TNFRSF21: variants seen among roughly 807,000 people sequenced by gnomAD.
TNFRSF21 encodes the protein TNF receptor superfamily member 21, also known as tumor necrosis factor receptor superfamily member 21.
A neutral mutation model predicts 45.6 loss-of-function variants in TNFRSF21; 19 were observed. That is an observed-to-expected ratio of 0.42 (90% confidence interval 0.29 to 0.61). The LOEUF (loss-of-function observed/expected upper bound fraction) is 0.61. TNFRSF21 is among the 20% of genes least tolerant of loss of function. The probability of loss-of-function intolerance (pLI) is 0.23; values close to 1 mark genes in which losing one functional copy is unlikely to be tolerated. For synonymous variants in TNFRSF21, 314 were observed against 335.5 expected (o/e 0.94, Z 0.70); for missense variants, 737 against 851.5 (o/e 0.87, Z 1.67).
At chr6:47,261,778 G>A (rs1037713528) in intron 3 of TNFRSF21, among the ~76,000 whole-genome samples, 1 of 152,236 alleles carries the variant, frequency 6.6e-6, no homozygotes, top group African/African-American at 2.4e-5. Flanking sequence ...GGGATCAGCT[G>A]TCCAAGCTGT....
At chr6:47,277,050 G>T (rs970522824) in intron 3 of TNFRSF21, among the ~76,000 whole-genome samples, 8 of 152,142 alleles carry the variant, frequency 5.3e-5, no homozygotes, top group African/African-American at 1.9e-4. Context: ...CTGAAGTACA[G>T]TGGCACGATC....
Position 47,286,594 on chromosome 6 carries a change from A to G in TNFRSF21, c.98T>C (p.Leu33Pro), listed in dbSNP as rs760891576. 1 of 1,595,296 alleles carries G rather than the reference A, an allele frequency of 6.3e-7. No homozygotes were observed. The highest frequency in any genetic ancestry group is 1.1e-5 in the South Asian group (1 of 89,812). Residue 33 changes from leucine to proline, a missense_variant and splice_region_variant, in exon 2 of 6, where the codon CTT (leucine) becomes CCT (proline). Physicochemically the swap from Leu to Pro is moderately conservative, Grantham distance 98 (BLOSUM62 -3). Transcript: ENST00000296861. Reference protein sequence around the residue: ...ATMIAGSLLLLGFLSTTTAQP... With the variant: ...ATMIAGSLLLPGFLSTTTAQP... The stretch of plus-strand genomic sequence containing the variant: ...AGCTGTGGTGGTGCTAAGGAATCCA[A>G]GCTGAAAGAAACAGAAGGGGAGGGA...
At chr6:47,299,864 C>T (rs574240857) in intron 1 of TNFRSF21, among the ~76,000 whole-genome samples, 1 of 152,226 alleles carries the variant, frequency 6.6e-6, no homozygotes, top group African/African-American at 2.4e-5. Context: ...TTCTGGACTA[C>T]AGTCTGGCAA....
rs570564819 is a variant in TNFRSF21, at chr6:47,277,669, C to A, written c.1243+6269G>T. On this transcript the variant is annotated intron_variant, in intron 3 of 5. Coordinates refer to ENST00000296861, the MANE Select transcript of TNFRSF21 (RefSeq NM_014452.5). ...GCAAAGGGAAACCAGACTCCAGAGT[C>A]TTTGTTCCTAACTGCATATTCTAAT... is the stretch of plus-strand genomic sequence containing the variant. Among the ~76,000 whole-genome samples the A allele has an allele frequency of 2.6e-5, 4 of 152,308 alleles. No homozygotes were observed. In the South Asian group the frequency reaches 8.3e-4, roughly 32 times the overall value.
At chr6:47,273,929 A>G (rs1375277829) in intron 3 of TNFRSF21, among the ~76,000 whole-genome samples, 1 of 152,186 alleles carries the variant, frequency 6.6e-6, no homozygotes, top group East Asian at 1.9e-4. Flanking sequence ...TCCAACTTAC[A>G]AGGGATGTGA....
At chr6:47,239,865 C>G (rs1764720782) in intron 4 of TNFRSF21, among the ~76,000 whole-genome samples, 1 of 152,006 alleles carries the variant, frequency 6.6e-6, no homozygotes, top group Admixed American at 6.6e-5. Flanking sequence ...GCCCTAATCC[C>G]CCACTCCAAT....
intron 4 of TNFRSF21, among the ~76,000 whole-genome samples, chr6:47,239,290 A>C (rs1764711438): frequency 9.5e-6 from 1 of 104,974 alleles, no homozygotes; most frequent in South Asian, 3.3e-4. Flanking sequence ...CATCTCAAAA[A>C]AAAAAAAAAA....
chr6:47,244,323 C>CAA lies in TNFRSF21; in HGVS notation c.1509+8931_1509+8932dup, dbSNP rs764763953. On this transcript the variant is annotated intron_variant, in intron 4 of 5. Coordinates refer to ENST00000296861, the MANE Select transcript of TNFRSF21 (RefSeq NM_014452.5). ...TGGGCGACACAGCAAGACTCCGTCT[C>CAA]AAAAAAAAAAAAAAAAAAAAGGCTT... 6.4e-3 allele frequency among the ~76,000 whole-genome samples: 488 copies of CAA among 75,986 alleles called. 6 individuals carry two copies. Among genetic ancestry groups the CAA allele is most frequent in the South Asian group, 0.037 (79 of 2,122 alleles). 49.8% of individuals were successfully genotyped at this position (75,986 alleles called of 152,430 possible).
chr6:47,232,928 T>C lies in TNFRSF21; in HGVS notation c.1805A>G (p.Asp602Gly), dbSNP rs752015912. 1 of 1,614,170 alleles carries C rather than the reference T, an allele frequency of 6.2e-7. No individual in the cohort carries two copies. Among genetic ancestry groups the C allele is most frequent in the South Asian group, 1.1e-5 (1 of 91,082 alleles). The change falls in exon 6 of 6, where the codon GAC becomes GGC. Residue 602 changes from aspartate to glycine, a missense_variant. Physicochemically the swap from Asp to Gly is moderately conservative, Grantham distance 94. Transcript: ENST00000296861. ...DPCDLQPIFD[D>G]MLHFLNPEEL... ...CTCAGGATTTAGAAAGTGGAGCATG[T>C]CATCAAAGATAGGCTGCAAGTCACA...
intron 3 of TNFRSF21, among the ~76,000 whole-genome samples, chr6:47,253,776 C>A (rs2113850257): frequency 6.6e-6 from 1 of 152,104 alleles, no homozygotes; most frequent in Non-Finnish European, 1.5e-5. Flanking sequence ...TAAATCAGAC[C>A]CAAAAAGATG....
intron 4 of TNFRSF21, among the ~76,000 whole-genome samples, chr6:47,239,672 C>T (rs1035629170): frequency 2.6e-5 from 4 of 152,070 alleles, no homozygotes; most frequent in Non-Finnish European, 5.9e-5. Flanking sequence ...AAAAGCATTG[C>T]AAGAAAAGAG....
intron 4 of TNFRSF21, among the ~76,000 whole-genome samples, chr6:47,244,060 A>G (rs533272815): frequency 2.3e-3 from 343 of 152,262 alleles, no homozygotes; most frequent in Non-Finnish European, 3.2e-3. Context: ...GGTGGCTCAC[A>G]CCTGTAATCC....
intron 2 of TNFRSF21, among the ~76,000 whole-genome samples, chr6:47,285,578 T>C (rs1031132527): frequency 6.6e-6 from 1 of 152,170 alleles, no homozygotes; most frequent in Non-Finnish European, 1.5e-5. Flanking sequence ...AAACTTTTGA[T>C]CTGGAAGGAA....
At position 47,232,558 on chromosome 6, in the gene TNFRSF21, T is replaced by C; in HGVS notation, c.*207A>G. The C allele has an allele frequency of 1.9e-6, 1 of 535,770 alleles. No homozygotes were observed. Among genetic ancestry groups the C allele is most frequent in the Non-Finnish European group, 3.2e-6 (1 of 310,572 alleles). The allele number at this position is 535,770 out of a possible 1,614,324, so 33.2% of individuals were successfully genotyped here. A position where few individuals can be genotyped will look rare whatever the true frequency, so the allele number is the denominator to read the frequency against. ...CTTATAAACCAACTTCCCAGAAGAG[T>C]TATTTAAAAAAAAAAGAGAGAGAGA... On this transcript the variant is annotated 3_prime_UTR_variant, in exon 6 of 6. Transcript: ENST00000296861.
intron 4 of TNFRSF21, among the ~76,000 whole-genome samples, chr6:47,245,991 C>G (rs532179556): frequency 6.6e-6 from 1 of 152,312 alleles, no homozygotes; most frequent in Admixed American, 6.5e-5. Flanking sequence ...ATTGCAAGAA[C>G]AGTGCCAAAG....
intron 3 of TNFRSF21, among the ~76,000 whole-genome samples, chr6:47,258,469 G>C (rs1765021758): frequency 6.6e-6 from 1 of 151,128 alleles, no homozygotes; most frequent in Admixed American, 6.6e-5. Flanking sequence ...ATAGACACTG[G>C]AACAGTTTCC....
intron 1 of TNFRSF21, among the ~76,000 whole-genome samples, chr6:47,290,332 A>C (rs1762707775): frequency 6.6e-6 from 1 of 152,168 alleles, no homozygotes; most frequent in South Asian, 2.1e-4. Flanking sequence ...AGACACACCC[A>C]CACACACACT....
intron 4 of TNFRSF21, 109 bp downstream of exon 4, chr6:47,253,147 T>C (rs888736195): frequency 2.7e-5 from 36 of 1,311,062 alleles, no homozygotes; most frequent in South Asian, 5.7e-5. Flanking sequence ...TGTGTGTGTG[T>C]GCCTATCCAC....
At chr6:47,262,480 CA>C (rs1291822184) in intron 3 of TNFRSF21, among the ~76,000 whole-genome samples, 2 of 152,160 alleles carry the variant, frequency 1.3e-5, no homozygotes, top group Admixed American at 1.3e-4. Context: ...CCAAGTGAAA[CA>C]AAATCCCTTT....
Sources: allele counts gnomAD v4.1 joint callset (sites outside exome capture counted in the v4.1 genomes callset), GRCh38; gene constraint gnomAD v4.1.1; transcripts MANE v1.5; gene names NCBI Gene and HGNC (gene_info 2026-07-23, HGNC 2026-07-21).